The following ZNF892 variants were observed in gnomAD, a reference collection of about 807,000 sequenced individuals.
ZNF892 encodes the protein zinc finger protein 892.
chr2:95,211,725 G>A, the ZNF892 span: 1 of 398,522 alleles, frequency 2.5e-6, no homozygotes, highest in Non-Finnish European at 4.4e-6. Flanking sequence ...TGCTGGGTAA[G>A]GATGGCTCCC....
At chr2:95,215,115 T>C in the ZNF892 span, 2 of 496,852 alleles carry the variant, frequency 4.0e-6, no homozygotes, top group Non-Finnish European at 7.3e-6. Context: ...AGAGAAACCT[T>C]ATAAGTGTAA....
the ZNF892 span, among the ~76,000 whole-genome samples, chr2:95,229,359 G>A: frequency 6.6e-6 from 1 of 152,072 alleles, no homozygotes; most frequent in Non-Finnish European, 1.5e-5. Context: ...ATAAACCCAG[G>A]TAACAACTAA....
chr2:95,212,015 A>T, the ZNF892 span, among the ~76,000 whole-genome samples: 1 of 152,216 alleles, frequency 6.6e-6, no homozygotes, highest in Non-Finnish European at 1.5e-5. Context: ...TTCTTTAAAT[A>T]GGGGGAGGTA....
At chr2:95,220,924 G>A in the ZNF892 span, among the ~76,000 whole-genome samples, 8 of 152,128 alleles carry the variant, frequency 5.3e-5, no homozygotes, top group Non-Finnish European at 1.0e-4. Flanking sequence ...TGGAGAACTG[G>A]ACTCAGAATT....
chr2:95,240,124 A>G, the ZNF892 span, among the ~76,000 whole-genome samples: 2 of 152,196 alleles, frequency 1.3e-5, no homozygotes, highest in Non-Finnish European at 2.9e-5. Flanking sequence ...GGTTGAAAAA[A>G]AAAAAAGACT....
the ZNF892 span, chr2:95,214,996 C>T: frequency 2.0e-6 from 1 of 502,682 alleles, no homozygotes; most frequent in Non-Finnish European, 3.6e-6. Context: ...TCATACCTCA[C>T]TCAACATCAG....
At chr2:95,207,270 G>C in the ZNF892 span, among the ~76,000 whole-genome samples, 3 of 152,224 alleles carry the variant, frequency 2.0e-5, no homozygotes, top group African/African-American at 7.2e-5. Flanking sequence ...TCACAGTAGC[G>C]GAGATGCGAA....
chr2:95,236,765 A>G, the ZNF892 span, among the ~76,000 whole-genome samples: 1 of 152,246 alleles, frequency 6.6e-6, no homozygotes, highest in Non-Finnish European at 1.5e-5. Flanking sequence ...ACAACCTTCT[A>G]GAATAGTCAT....
At chr2:95,243,975 CTT>C in the ZNF892 span, among the ~76,000 whole-genome samples, 1 of 151,994 alleles carries the variant, frequency 6.6e-6, no homozygotes, top group Non-Finnish European at 1.5e-5. Flanking sequence ...ACATGGGAGA[CTT>C]TTCATTTTGT....
At chr2:95,219,508 T>A in the ZNF892 span, among the ~76,000 whole-genome samples, 1 of 152,204 alleles carries the variant, frequency 6.6e-6, no homozygotes, top group African/African-American at 2.4e-5. Context: ...ATTGAGGCAT[T>A]TTTGTGATGG....
At chr2:95,206,512 C>T in the ZNF892 span, among the ~76,000 whole-genome samples, 1 of 151,746 alleles carries the variant, frequency 6.6e-6, no homozygotes, top group Non-Finnish European at 1.5e-5. Flanking sequence ...AAAAACATGC[C>T]AAAATCAAAA....
chr2:95,235,761 GT>G, the ZNF892 span, among the ~76,000 whole-genome samples: 1 of 152,142 alleles, frequency 6.6e-6, no homozygotes, highest in Admixed American at 6.5e-5. Flanking sequence ...AAGTGGTCAA[GT>G]TTAGTTTGTT....
chr2:95,240,147 T>G, the ZNF892 span, among the ~76,000 whole-genome samples: 6 of 152,132 alleles, frequency 3.9e-5, no homozygotes, highest in Admixed American at 3.9e-4. Flanking sequence ...ATTTAGAATT[T>G]GGTTTTGGGG....
the ZNF892 span, chr2:95,215,190 G>T: frequency 2.2e-6 from 1 of 453,810 alleles, no homozygotes; most frequent in East Asian, 3.4e-5. Flanking sequence ...TCATACTGGG[G>T]AGCGGCCATA....
At chr2:95,227,255 C>T in the ZNF892 span, among the ~76,000 whole-genome samples, 21 of 151,986 alleles carry the variant, frequency 1.4e-4, 1 homozygote, top group Middle Eastern at 3.4e-3. Flanking sequence ...ACAGGATTGC[C>T]GACATCATGA....
the ZNF892 span, among the ~76,000 whole-genome samples, chr2:95,239,420 ACTAT>A: frequency 6.6e-6 from 1 of 152,166 alleles, no homozygotes; most frequent in Non-Finnish European, 1.5e-5. Context: ...TGAGTAAAAC[ACTAT>A]CAGACAGCAT....
the ZNF892 span, among the ~76,000 whole-genome samples, chr2:95,229,797 A>G: frequency 6.6e-6 from 1 of 152,168 alleles, no homozygotes; most frequent in Non-Finnish European, 1.5e-5. Context: ...TTGGGTACAT[A>G]TACCTAGGAG....
At chr2:95,254,567 C>G in the ZNF892 span, among the ~76,000 whole-genome samples, 1 of 152,150 alleles carries the variant, frequency 6.6e-6, no homozygotes, top group African/African-American at 2.4e-5. Flanking sequence ...CTCTGCCAGG[C>G]TTTAGTATCA....
chr2:95,215,447 G>A, the ZNF892 span: 1 of 440,956 alleles, frequency 2.3e-6, no homozygotes, highest in Non-Finnish European at 4.1e-6. Flanking sequence ...CTGGAGAAAA[G>A]CCCTACAAGT....
Sources: gnomAD v4.1 joint callset for allele counts (sites outside exome capture counted in the v4.1 genomes callset) on GRCh38, gnomAD v4.1.1 for gene constraint, MANE v1.5 for transcripts, NCBI Gene and HGNC (gene_info 2026-07-23, HGNC 2026-07-21) for gene names.